Variants in OBI1 observed in about 807,000 individuals in gnomAD.
The protein encoded by OBI1 is ring finger protein 219.
In OBI1, 59 loss-of-function variants were observed where a neutral mutation model predicts 62.4. That is an observed-to-expected ratio of 0.95 (90% CI 0.77 to 1.17). The LOEUF is 1.17. Ranked by LOEUF, OBI1 falls within the 50% of genes most tolerant of loss-of-function variation. The pLI is 0.00. For synonymous variants in OBI1, 302 were observed against 292.8 expected (o/e 1.03, Z -0.32); for missense variants, 875 against 830.9 (o/e 1.05, Z -0.65).
At chr13:78,623,165 A>G (rs928142743) in intron 5 of OBI1, among the ~76,000 whole-genome samples, 22 of 151,968 alleles carry the variant, frequency 1.4e-4, no homozygotes, top group Non-Finnish European at 2.1e-4. Flanking sequence ...AAATTGCTAC[A>G]TTCCTAGAAA....
At chr13:78,630,489 A>G (rs911093923) in intron 5 of OBI1, among the ~76,000 whole-genome samples, 1 of 152,132 alleles carries the variant, frequency 6.6e-6, no homozygotes, top group African/African-American at 2.4e-5. Flanking sequence ...TGTCCCCCAT[A>G]AATTCTTATG....
chr13:78,628,378 C>T (rs1350891659), intron 5 of OBI1, among the ~76,000 whole-genome samples: 2 of 152,166 alleles, frequency 1.3e-5, no homozygotes, highest in East Asian at 3.9e-4. Flanking sequence ...TTATTATGGT[C>T]TTCTGTTAAG....
chr13:78,659,064 G>C lies in OBI1; in HGVS notation c.57C>G (p.His19Gln). The C allele has an allele frequency of 6.2e-7, 1 of 1,613,028 alleles. No homozygotes were observed. The highest frequency in any genetic ancestry group is 1.7e-4 in the Middle Eastern group (1 of 6,058). ...CACCCATTACCTTCCCCAAGCAAATGTGGCACGTGATGGGCAGAGTGAGCG... is the reference window on the plus strand; with the variant it reads ...CACCCATTACCTTCCCCAAGCAAATCTGGCACGTGATGGGCAGAGTGAGCG... ...TLSLTLPITCHICLGKVRQPV... is the reference protein window; with the variant it reads ...TLSLTLPITCQICLGKVRQPV... Residue 19 changes from histidine to glutamine, a missense_variant, in exon 1 of 6, where the codon CAC becomes CAG. His to Gln is a conservative substitution (Grantham distance 24). Transcript: ENST00000282003.
chr13:78,627,847 C>A (rs1340486917), intron 5 of OBI1, among the ~76,000 whole-genome samples: 1 of 152,132 alleles, frequency 6.6e-6, no homozygotes, highest in Non-Finnish European at 1.5e-5. Flanking sequence ...ATAACGCACC[C>A]TCATTTTATG....
intron 1 of OBI1, among the ~76,000 whole-genome samples, chr13:78,654,710 A>C (rs1181284757): frequency 6.6e-6 from 1 of 152,240 alleles, no homozygotes; most frequent in Non-Finnish European, 1.5e-5. Context: ...GGATACTCCA[A>C]GACACAGGAA....
chr13:78,647,385 C>G (rs781202204), intron 1 of OBI1, among the ~76,000 whole-genome samples: 1 of 152,206 alleles, frequency 6.6e-6, no homozygotes, highest in East Asian at 1.9e-4. Flanking sequence ...TGGCGGGAGG[C>G]GAGACATGTT....
At position 78,656,463 on chromosome 13, in the gene OBI1, T is replaced by C. The variant is rs1334406126; in HGVS notation, c.72+2586A>G. ...CGGGCGTGGTGGCGCATGCCTGTAA[T>C]CCCAGCTACTCAGGAGGCTGAGGCA... is the stretch of plus-strand genomic sequence containing the variant. On this transcript the variant is annotated intron_variant, in intron 1 of 5. Coordinates refer to ENST00000282003, the MANE Select transcript of OBI1 (RefSeq NM_024546.4). 7.2e-5 allele frequency among the ~76,000 whole-genome samples: 11 copies of C among 151,902 alleles called. No homozygotes were observed. The East Asian group carries it at 2.1e-3, about 30-fold the overall frequency.
At chr13:78,639,617 A>T (rs997381778) in intron 3 of OBI1, among the ~76,000 whole-genome samples, 110 of 147,382 alleles carry the variant, frequency 7.5e-4, no homozygotes, top group African/African-American at 2.7e-3. Flanking sequence ...GATAGACTGG[A>T]TTAAGAAAAT....
rs1875319115 is a variant in OBI1, at chr13:78,616,903, C to T, written c.858G>A (p.Glu286=). Residue 286 remains glutamate (E), a synonymous_variant, in exon 6 of 6, where the codon GAG becomes GAA. Transcript: ENST00000282003. ...SADGKGSKGS[E]EDVVSKNQGD... ...CTTGATTCTTTGACACCACATCCTCCTCACTGCCTTTGCTCCCTTTGCCAT... is the reference window on the plus strand; with the variant it reads ...CTTGATTCTTTGACACCACATCCTCTTCACTGCCTTTGCTCCCTTTGCCAT... 1 of 1,614,062 alleles carries T rather than the reference C, an allele frequency of 6.2e-7. No homozygotes were observed. The highest frequency in any genetic ancestry group is 8.5e-7 in the Non-Finnish European group (1 of 1,180,034).
chr13:78,648,446 A>C (rs1038208608), intron 1 of OBI1, among the ~76,000 whole-genome samples: 4 of 152,176 alleles, frequency 2.6e-5, no homozygotes, highest in African/African-American at 9.7e-5. Context: ...AACTCATCTG[A>C]AAATGGATAA....
At chr13:78,634,106 A>C (rs1017998863) in intron 5 of OBI1, among the ~76,000 whole-genome samples, 85 of 151,376 alleles carry the variant, frequency 5.6e-4, no homozygotes, top group Non-Finnish European at 8.7e-4. Context: ...AAAAAAAAAA[A>C]CAAAAAACAA....
At chr13:78,646,117 CT>C (rs577682446) in intron 1 of OBI1, among the ~76,000 whole-genome samples, 142 of 152,228 alleles carry the variant, frequency 9.3e-4, no homozygotes, top group South Asian at 2.9e-3. Flanking sequence ...TCAGGGTTAA[CT>C]GGGTGTGTTG....
In OBI1 at chr13:78,657,814, GGC is replaced by G. The variant is rs768133389; in HGVS notation, c.72+1233_72+1234del. Among the ~76,000 whole-genome samples, 14 of 152,298 alleles carry G rather than the reference GGC, an allele frequency of 9.2e-5. No homozygotes were observed. In the Middle Eastern group the frequency reaches 0.014, roughly 148 times the overall value. On this transcript the variant is annotated intron_variant, in intron 1 of 5. Coordinates refer to ENST00000282003, the MANE Select transcript of OBI1 (RefSeq NM_024546.4). ...ATGTCAGGAGCCAAATGTAGACTGTGGCAAATAGAAACATCGCTTCTTCCCTC... is the reference window on the plus strand; with the variant it reads ...ATGTCAGGAGCCAAATGTAGACTGTGAAATAGAAACATCGCTTCTTCCCTC...
Position 78,634,089 on chromosome 13 carries a change from A to G in OBI1, c.638+1021T>C, listed in dbSNP as rs566037304. On this transcript the variant is annotated intron_variant, in intron 5 of 5. Coordinates refer to ENST00000282003, the MANE Select transcript of OBI1 (RefSeq NM_024546.4). ...TCTCAAAAACAAAAAACAAAAAACA[A>G]AAAACAAAAAAAAAAAACAAAAAAC... 8.9e-5 allele frequency among the ~76,000 whole-genome samples: 11 copies of G among 124,288 alleles called. No individual in the cohort carries two copies. The South Asian group carries it at 3.1e-3, about 35-fold the overall frequency. 81.5% of individuals were successfully genotyped at this position (124,288 alleles called of 152,430 possible).
At chr13:78,627,337 T>C (rs544731678) in intron 5 of OBI1, among the ~76,000 whole-genome samples, 2 of 147,568 alleles carry the variant, frequency 1.4e-5, no homozygotes, top group Admixed American at 1.3e-4. Context: ...AAAGGATACA[T>C]GTGCAGAACA....
chr13:78,616,415 C>T lies in OBI1; in HGVS notation c.1346G>A (p.Arg449Lys), dbSNP rs781055492. 5.6e-6 allele frequency: 9 copies of T among 1,612,888 alleles called. No individual in the cohort carries two copies. Among genetic ancestry groups the T allele is most frequent in the African/African-American group, 2.7e-5 (2 of 74,818 alleles). ...NKDSSEDDIS[R>K]SENEKKSECF... ...TTCTGATTTCTTTTCATTTTCACTTCTACTTATATCATCTTCTGAAGAATC... is the reference window on the plus strand; with the variant it reads ...TTCTGATTTCTTTTCATTTTCACTTTTACTTATATCATCTTCTGAAGAATC... The change falls in exon 6 of 6, where the codon AGA becomes AAA. Residue 449 changes from arginine (R) to lysine (K), a missense_variant. Transcript: ENST00000282003.
intron 1 of OBI1, among the ~76,000 whole-genome samples, chr13:78,656,985 A>G (rs1876732138): frequency 6.6e-6 from 1 of 151,742 alleles, no homozygotes; most frequent in Non-Finnish European, 1.5e-5. Flanking sequence ...GGGTTTCACC[A>G]TATTGGCCAT....
Position 78,616,733 on chromosome 13 carries a change from T to C in OBI1, c.1028A>G (p.Asp343Gly), listed in dbSNP as rs140749576. The change falls in exon 6 of 6, where the codon GAC (aspartate) becomes GGC (glycine). Residue 343 changes from aspartate to glycine, a missense_variant. By Grantham distance (94) the Asp-to-Gly change is moderately conservative. Transcript: ENST00000282003. The part of the protein sequence containing the change: ...KADLNCSKNK[D>G]LYQEQVEVML... Reference sequence around the variant, plus strand: ...TACTTCTACCTGTTCTTGATATAGGTCTTTGTTCTTAGAACAGTTAAGGTC... The same window carrying C: ...TACTTCTACCTGTTCTTGATATAGGCCTTTGTTCTTAGAACAGTTAAGGTC... 1 of 1,614,206 alleles carries C rather than the reference T, an allele frequency of 6.2e-7. No homozygotes were observed. Among genetic ancestry groups the C allele is most frequent in the Non-Finnish European group, 8.5e-7 (1 of 1,180,024 alleles).
At chr13:78,623,268 T>C (rs1407995004) in intron 5 of OBI1, among the ~76,000 whole-genome samples, 1 of 117,246 alleles carries the variant, frequency 8.5e-6, no homozygotes, top group Non-Finnish European at 1.7e-5. Flanking sequence ...AAAGAGAACA[T>C]TTAAAAAAAA....
Sources: gnomAD v4.1 joint callset for allele counts (sites outside exome capture counted in the v4.1 genomes callset) on GRCh38, gnomAD v4.1.1 for gene constraint, MANE v1.5 for transcripts, NCBI Gene and HGNC (gene_info 2026-07-23, HGNC 2026-07-21) for gene names.